Variants in DDX25 observed in about 807,000 individuals in gnomAD.
DDX25 encodes DEAD-box helicase 25.
Under a neutral mutation model 64.6 loss-of-function variants are expected in DDX25, and 70 were observed. The ratio of observed to expected loss-of-function variants is 1.08; its 90% CI spans 0.89 to 1.32. The LOEUF (loss-of-function observed/expected upper bound fraction) is 1.32, where lower values mean the gene tolerates loss of function less well. Among genes scored for constraint, DDX25 ranks in the 40% most tolerant of loss-of-function variants. The pLI, the probability that DDX25 is intolerant of heterozygous loss-of-function variation, is 0.00. For synonymous variants in DDX25, 211 were observed against 213.3 expected (o/e 0.99, Z 0.09); for missense variants, 587 against 604.4 (o/e 0.97, Z 0.30).
At chr11:125,911,839 A>G (rs1363256822) in intron 8 of DDX25, among the ~76,000 whole-genome samples, 1 of 152,214 alleles carries the variant, frequency 6.6e-6, no homozygotes, top group African/African-American at 2.4e-5. Context: ...TGGATAATTG[A>G]GATAGAGTAG....
At position 125,911,348 on chromosome 11, in the gene DDX25, T is replaced by C. The variant is rs1235334926; in HGVS notation, c.660T>C (p.Ile220=). The C allele has an allele frequency of 1.2e-6, 2 of 1,613,462 alleles. No homozygotes were observed. The highest frequency in any genetic ancestry group is 1.7e-6 in the Non-Finnish European group (2 of 1,179,748). ...RGTDITKQII[I]GTPGTVLDWC... is the part of the protein sequence containing the mutation. Reference sequence around the variant, plus strand: ...CCGACATCACTAAACAGATTATAATTGGCACTCCTGGGACTGTCCTAGATT... The same window carrying C: ...CCGACATCACTAAACAGATTATAATCGGCACTCCTGGGACTGTCCTAGATT... Residue 220 remains isoleucine, a synonymous_variant, in exon 8 of 12, where the codon ATT becomes ATC. Coordinates refer to ENST00000263576, the MANE Select transcript of DDX25 (RefSeq NM_013264.5).
At chr11:125,910,915 CTTTT>C (rs34647627) in intron 7 of DDX25, among the ~76,000 whole-genome samples, 1 of 141,812 alleles carries the variant, frequency 7.1e-6, no homozygotes, top group Admixed American at 7.1e-5. Context: ...TTGTGTTTTG[CTTTT>C]TTTTTTTTTG....
At chr11:125,905,072 TCTG>T in intron 1 of DDX25, 137 bp from the exon 2 acceptor site, 1 of 717,040 alleles carries the variant, frequency 1.4e-6, no homozygotes, top group South Asian at 1.8e-5. Context: ...TTGAAAGGAA[TCTG>T]CTGCTACCTA....
rs1234010978 is a variant in DDX25, at chr11:125,925,862, A to G, written c.*2981A>G. On this transcript the variant is annotated 3_prime_UTR_variant, in exon 12 of 12. Transcript: ENST00000263576. ...GTGTGACAGCCGCTTTTCAAGAGAC[A>G]TTATTGCTTTTGGTCATGAGAAAGT... 1 of 168,560 alleles carries G rather than the reference A, an allele frequency of 5.9e-6. No individual in the cohort carries two copies. The highest frequency in any genetic ancestry group is 1.3e-5 in the Non-Finnish European group (1 of 77,250). 10.4% of individuals were successfully genotyped at this position (168,560 alleles called of 1,614,324 possible).
Position 125,908,190 on chromosome 11 carries a change from TGACAGAAAG to T in DDX25, c.312-3_317del. 1 of 1,559,454 alleles carries T rather than the reference TGACAGAAAG, an allele frequency of 6.4e-7. No individual in the cohort carries two copies. The highest frequency in any genetic ancestry group is 8.7e-7 in the Non-Finnish European group (1 of 1,151,958). ...TCTGTAAGTGTTTGATTTTTTTTTTTGACAGAAAGGAAGAGTTACTAAAAGGAATCTATG... is the reference window on the plus strand; with the variant it reads ...TCTGTAAGTGTTTGATTTTTTTTTTTGAAGAGTTACTAAAAGGAATCTATG... On this transcript the variant is annotated splice_acceptor_variant and splice_polypyrimidine_tract_variant and coding_sequence_variant and intron_variant, in exon 5 of 12. Coordinates refer to ENST00000263576, the MANE Select transcript of DDX25 (RefSeq NM_013264.5). LOFTEE classifies it high-confidence loss of function.
At chr11:125,919,262 G>T (rs1178692519) in intron 10 of DDX25, among the ~76,000 whole-genome samples, 1 of 152,156 alleles carries the variant, frequency 6.6e-6, no homozygotes, top group African/African-American at 2.4e-5. Context: ...TTCATGTGCA[G>T]GTCTGTATTT....
intron 6 of DDX25, 42 bp downstream of exon 6, chr11:125,908,545 C>T: frequency 6.4e-7 from 1 of 1,559,292 alleles, no homozygotes; most frequent in Non-Finnish European, 8.8e-7. Flanking sequence ...CTTGCACTAC[C>T]AGTGCTAATT....
chr11:125,907,409 C>T (rs376850954), intron 4 of DDX25, among the ~76,000 whole-genome samples: 27 of 152,240 alleles, frequency 1.8e-4, no homozygotes, highest in African/African-American at 4.1e-4. Flanking sequence ...GAGATCGAGA[C>T]CATCCTGGCT....
chr11:125,917,365 C>T (rs1945053270), intron 9 of DDX25, 114 bp downstream of exon 9: 2 of 938,612 alleles, frequency 2.1e-6, no homozygotes, highest in Non-Finnish European at 3.2e-6. Flanking sequence ...TTGTGTGTCT[C>T]CAGTTTAATC....
chr11:125,910,390 A>G lies in DDX25; in HGVS notation c.534A>G (p.Glu178=). 1 of 1,613,880 alleles carries G rather than the reference A, an allele frequency of 6.2e-7. No individual in the cohort carries two copies. Among genetic ancestry groups the G allele is most frequent in the East Asian group, 2.2e-5 (1 of 44,876 alleles). Residue 178 remains glutamate, a synonymous_variant, in exon 7 of 12, where the codon GAA becomes GAG. Coordinates refer to ENST00000263576, the MANE Select transcript of DDX25 (RefSeq NM_013264.5). The stretch of plus-strand genomic sequence containing the variant: ...GCCTCTGCCTAGCTCCTACTTATGA[A>G]TTGGCTCTGCAAACTGGCCGTGTGG... The part of the protein sequence containing the change: ...PQCLCLAPTY[E]LALQTGRVVE...
chr11:125,921,073 C>T lies in DDX25; in HGVS notation c.1202-118C>T. ...AGTACCTGTCTCAATTACATAAGCC[C>T]TGGTTGGATTTCTAAATTTTCTCTA... On this transcript the variant is annotated intron_variant, in intron 10 of 11. Transcript: ENST00000263576. This position sits in a 1 kb window ranked among gnomAD's most constrained non-coding sequence, Gnocchi z 4.1. 1 of 1,052,738 alleles carries T rather than the reference C, an allele frequency of 9.5e-7. No individual in the cohort carries two copies. Among genetic ancestry groups the T allele is most frequent in the Non-Finnish European group, 1.3e-6 (1 of 750,292 alleles). The allele number at this position is 1,052,738 out of a possible 1,614,324, so 65.2% of individuals were successfully genotyped here. A position where few individuals can be genotyped will look rare whatever the true frequency, so the allele number is the denominator to read the frequency against.
Position 125,904,593 on chromosome 11 carries a change from G to T in DDX25, c.63+13G>T. ...GCTGAACAGCCACGTAACCGCCACC[G>T]AGCCGGGGGGCCACAGCCGCGGGGG... On this transcript the variant is annotated intron_variant, in intron 1 of 11. Transcript: ENST00000263576. The T allele has an allele frequency of 6.8e-7, 1 of 1,472,924 alleles. No individual in the cohort carries two copies. The highest frequency in any genetic ancestry group is 1.3e-5 in the South Asian group (1 of 74,620). The allele number at this position is 1,472,924 out of a possible 1,614,324, so 91.2% of individuals were successfully genotyped here. A position where few individuals can be genotyped will look rare whatever the true frequency, so the allele number is the denominator to read the frequency against.
intron 9 of DDX25, among the ~76,000 whole-genome samples, chr11:125,918,299 A>G (rs73626655): frequency 0.015 from 2,266 of 152,344 alleles, 67 homozygotes; most frequent in African/African-American, 0.052. Context: ...ATGGGAAGCA[A>G]GCACTCTTAG....
intron 6 of DDX25, 59 bp from the exon 7 acceptor site, chr11:125,910,305 A>AAATT: frequency 6.9e-7 from 1 of 1,442,440 alleles, no homozygotes; most frequent in Non-Finnish European, 9.7e-7. Context: ...ATTGCAGTTG[A>AAATT]AATTTGAAAG....
chr11:125,908,190 T>G lies in DDX25; in HGVS notation c.312-6T>G, dbSNP rs660619. 1.3e-6 allele frequency: 2 copies of G among 1,559,458 alleles called. No homozygotes were observed. Among genetic ancestry groups the G allele is most frequent in the Admixed American group, 4.0e-5 (2 of 49,984 alleles). On this transcript the variant is annotated splice_polypyrimidine_tract_variant and splice_region_variant and intron_variant, in intron 4 of 11. Transcript: ENST00000263576. ...TCTGTAAGTGTTTGATTTTTTTTTT[T>G]GACAGAAAGGAAGAGTTACTAAAAG...
rs1244409073 is a variant in DDX25, at chr11:125,923,104, A to T, written c.*223A>T. 2 of 533,376 alleles carry T rather than the reference A, an allele frequency of 3.7e-6. No individual in the cohort carries two copies. Among genetic ancestry groups the T allele is most frequent in the Non-Finnish European group, 6.7e-6 (2 of 300,410 alleles). The allele number at this position is 533,376 out of a possible 1,614,324, so 33.0% of individuals were successfully genotyped here. A position where few individuals can be genotyped will look rare whatever the true frequency, so the allele number is the denominator to read the frequency against. On this transcript the variant is annotated 3_prime_UTR_variant, in exon 12 of 12. Transcript: ENST00000263576. ...TAAAAAAAAGGCAAGATTATTTCTT[A>T]TTCTAATCTTTGTACAGGTAATGTC...
chr11:125,927,819 C>T lies in DDX25; in HGVS notation c.*4938C>T, dbSNP rs960566627. Reference sequence around the variant, plus strand: ...ATCAATCAGAAGATGAATAGTTAATCAGATGCTGTAGTTCTGGTTCTTGAA... The same window carrying T: ...ATCAATCAGAAGATGAATAGTTAATTAGATGCTGTAGTTCTGGTTCTTGAA... On this transcript the variant is annotated 3_prime_UTR_variant, in exon 12 of 12. Coordinates refer to ENST00000263576, the MANE Select transcript of DDX25 (RefSeq NM_013264.5). The T allele has an allele frequency of 1.3e-5, 2 of 152,146 alleles. No individual in the cohort carries two copies. Among genetic ancestry groups the T allele is most frequent in the East Asian group, 3.9e-4 (2 of 5,194 alleles). The allele number at this position is 152,146 out of a possible 1,614,324, so 9.4% of individuals were successfully genotyped here.
At chr11:125,913,218 C>T (rs1944989929) in intron 8 of DDX25, among the ~76,000 whole-genome samples, 1 of 151,638 alleles carries the variant, frequency 6.6e-6, no homozygotes, top group South Asian at 2.1e-4. Flanking sequence ...CAAGCTCCCT[C>T]TCTCCAGCTT....
chr11:125,915,202 C>T (rs1945021455), intron 8 of DDX25, among the ~76,000 whole-genome samples: 1 of 152,216 alleles, frequency 6.6e-6, no homozygotes. Flanking sequence ...GTTGATCAGC[C>T]GTCCATTGTT....
Sources: gnomAD v4.1 joint callset for allele counts (sites outside exome capture counted in the v4.1 genomes callset) on GRCh38, gnomAD v4.1.1 for gene constraint, Gnocchi (gnomAD v3.1) non-coding constraint, MANE v1.5 for transcripts, NCBI Gene and HGNC (gene_info 2026-07-23, HGNC 2026-07-21) for gene names.